Variants in SORCS2 observed in about 807,000 individuals in gnomAD.
SORCS2 encodes the protein sortilin related VPS10 domain containing receptor 2, also known as VPS10 domain-containing receptor SorCS2.
A neutral mutation model predicts 141.6 loss-of-function variants in SORCS2; 100 were observed. The observed-to-expected ratio is 0.71, with a 90% CI of 0.60 to 0.83. The LOEUF (loss-of-function observed/expected upper bound fraction) is 0.83. Ranked by LOEUF, SORCS2 falls within the 40% of genes least tolerant of loss-of-function variation. The pLI, the probability that SORCS2 is intolerant of heterozygous loss-of-function variation, is 0.00. For synonymous variants in SORCS2, 789 were observed against 676.9 expected (o/e 1.17, Z -2.57); for missense variants, 1,646 against 1,560.2 (o/e 1.05, Z -0.93).
At chr4:7,305,199 T>C (rs1245582367) in intron 1 of SORCS2, among the ~76,000 whole-genome samples, 6 of 151,880 alleles carry the variant, frequency 4.0e-5, no homozygotes, top group East Asian at 3.9e-4. Flanking sequence ...GCCCGGCTAA[T>C]TTTTTGTATT....
At position 7,246,479 on chromosome 4, in the gene SORCS2, G is replaced by A. The variant is rs9291132; in HGVS notation, c.480+53353G>A. Among the ~76,000 whole-genome samples, 717 of 119,560 alleles carry A rather than the reference G, an allele frequency of 6.0e-3. 13 individuals are homozygous for A. The highest frequency in any genetic ancestry group is 0.029 in the African/African-American group (677 of 23,670). The allele number at this position is 119,560 out of a possible 152,430, so 78.4% of individuals were successfully genotyped here. A position where few individuals can be genotyped will look rare whatever the true frequency, so the allele number is the denominator to read the frequency against. On this transcript the variant is annotated intron_variant, in intron 1 of 26. Coordinates refer to ENST00000507866, the MANE Select transcript of SORCS2 (RefSeq NM_020777.3). ...ACCTGGGGCTTAAATGAACCCACAC[G>A]TCTCACCTGGGGCTTAAATGAACCC...
chr4:7,632,719 G>A (rs1398292991), intron 3 of SORCS2, among the ~76,000 whole-genome samples: 9 of 152,206 alleles, frequency 5.9e-5, no homozygotes, highest in Admixed American at 5.9e-4. Context: ...TAACACCAAT[G>A]CCCATTCATT....
chr4:7,433,535 G>A (rs1358688481), intron 2 of SORCS2: 2 of 1,609,682 alleles, frequency 1.2e-6, no homozygotes, highest in South Asian at 2.2e-5. Flanking sequence ...CTCTCAATGA[G>A]CACGGGCTCG....
chr4:7,573,680 G>A (rs1001564152), intron 3 of SORCS2, among the ~76,000 whole-genome samples: 4 of 152,194 alleles, frequency 2.6e-5, no homozygotes, highest in African/African-American at 9.6e-5. Context: ...ACCGCACTCT[G>A]CTTTAAGGAA....
At chr4:7,689,915 G>T (rs1006968340) in intron 11 of SORCS2, among the ~76,000 whole-genome samples, 2 of 140,272 alleles carry the variant, frequency 1.4e-5, no homozygotes, top group Admixed American at 1.4e-4. Flanking sequence ...GCTGGATGAT[G>T]GACAGATGGT....
intron 1 of SORCS2, among the ~76,000 whole-genome samples, chr4:7,226,722 G>A (rs1422924338): frequency 2.6e-5 from 4 of 151,944 alleles, no homozygotes; most frequent in African/African-American, 7.3e-5. Context: ...GCTCGGTGTG[G>A]AGCTGTCACT....
intron 3 of SORCS2, among the ~76,000 whole-genome samples, chr4:7,613,424 A>C (rs79761913): frequency 0.024 from 3,616 of 152,268 alleles, 78 homozygotes; most frequent in African/African-American, 0.052. Context: ...ATGTCAAGGG[A>C]AGCAGGGTAG....
intron 2 of SORCS2, among the ~76,000 whole-genome samples, chr4:7,454,078 C>T (rs1728686595): frequency 1.8e-5 from 2 of 113,948 alleles, no homozygotes; most frequent in African/African-American, 7.2e-5. Flanking sequence ...GTGTTGGGGT[C>T]AGGTGCTGTG....
chr4:7,386,036 G>T (rs1577479447), intron 1 of SORCS2, among the ~76,000 whole-genome samples: 2 of 152,182 alleles, frequency 1.3e-5, no homozygotes, highest in Admixed American at 1.3e-4. Context: ...TTGCCAAGTG[G>T]AGCAGCCACA....
At chr4:7,444,070 CT>C (rs1272208869) in intron 2 of SORCS2, among the ~76,000 whole-genome samples, 1 of 152,254 alleles carries the variant, frequency 6.6e-6, no homozygotes, top group Non-Finnish European at 1.5e-5. Context: ...AGAATCTCTC[CT>C]TCCCTGTTAG....
rs898987774 is a variant in SORCS2 at position 7,259,125 on chromosome 4, G to A, written c.480+65999G>A. Among the ~76,000 whole-genome samples the A allele has an allele frequency of 5.3e-5, 8 of 152,146 alleles. No individual in the cohort carries two copies. The East Asian group carries it at 5.8e-4, about 11-fold the overall frequency. On this transcript the variant is annotated intron_variant, in intron 1 of 26. Coordinates refer to ENST00000507866, the MANE Select transcript of SORCS2 (RefSeq NM_020777.3). Reference sequence around the variant, plus strand: ...TCTTTTGCTGTGTAGAAGCTCTTTCGTTTAATTAGATCCCTTTTCTCTGTT... The same window carrying A: ...TCTTTTGCTGTGTAGAAGCTCTTTCATTTAATTAGATCCCTTTTCTCTGTT...
At chr4:7,637,348 A>G (rs1162032431) in intron 3 of SORCS2, among the ~76,000 whole-genome samples, 1 of 152,104 alleles carries the variant, frequency 6.6e-6, no homozygotes. Context: ...CCCCCGGCTC[A>G]GCGTTCTCCT....
In SORCS2 at chr4:7,453,734, A is replaced by G. The variant is rs1326720036; in HGVS notation, c.548+57379A>G. 8.1e-5 allele frequency among the ~76,000 whole-genome samples: 5 copies of G among 61,620 alleles called. No individual in the cohort carries two copies. In the South Asian group the frequency reaches 1.9e-3, roughly 23 times the overall value. 40.4% of individuals were successfully genotyped at this position (61,620 alleles called of 152,430 possible). On this transcript the variant is annotated intron_variant, in intron 2 of 26. Transcript: ENST00000507866. ...GGTCAGGCACTGTGTTGGGGTCAGG[A>G]GCTGTGTGTTGGGGTCAGGAGCTGT...
intron 1 of SORCS2, among the ~76,000 whole-genome samples, chr4:7,258,494 G>A (rs980625688): frequency 1.3e-5 from 2 of 152,182 alleles, no homozygotes; most frequent in African/African-American, 4.8e-5. Flanking sequence ...TTTTATGGCT[G>A]CATAGTATCC....
At chr4:7,724,142 A>ATAGTGGTGGTGGTGGTGATGG (rs1560112934) in intron 19 of SORCS2, among the ~76,000 whole-genome samples, 4 of 99,316 alleles carry the variant, frequency 4.0e-5, no homozygotes, top group Non-Finnish European at 8.3e-5. Flanking sequence ...GGTGGTGGTG[A>ATAGTGGTGGTGGTGGTGATGG]TGGTCGTGGT....
intron 9 of SORCS2, 125 bp downstream of exon 9, chr4:7,676,354 A>G: frequency 9.6e-7 from 1 of 1,037,548 alleles, no homozygotes. Flanking sequence ...GTCTGCACAC[A>G]TCTTCTGTAC....
chr4:7,549,552 G>A (rs1713524731), intron 3 of SORCS2, among the ~76,000 whole-genome samples: 1 of 152,154 alleles, frequency 6.6e-6, no homozygotes, highest in Non-Finnish European at 1.5e-5. Flanking sequence ...TAACCTGCTG[G>A]CCATGGGCCA....
intron 12 of SORCS2, among the ~76,000 whole-genome samples, chr4:7,701,530 C>T (rs572687613): frequency 2.0e-5 from 3 of 152,276 alleles, no homozygotes; most frequent in South Asian, 4.1e-4. Context: ...GGCAGGGGCC[C>T]CTCCTTCGGG....
At chr4:7,370,576 C>G (rs931611433) in intron 1 of SORCS2, among the ~76,000 whole-genome samples, 11 of 152,228 alleles carry the variant, frequency 7.2e-5, no homozygotes, top group African/African-American at 2.7e-4. Flanking sequence ...AATTACACAT[C>G]AACACGCTCA....
Sources: gnomAD v4.1 joint callset for allele counts (sites outside exome capture counted in the v4.1 genomes callset) on GRCh38, gnomAD v4.1.1 for gene constraint, MANE v1.5 for transcripts, NCBI Gene and HGNC (gene_info 2026-07-23, HGNC 2026-07-21) for gene names.